The following TK1 variants were observed in gnomAD, a reference collection of about 807,000 sequenced individuals.
The protein encoded by TK1 is thymidine kinase 1.
TK1 carries 13 observed loss-of-function variants against 22.4 expected under a neutral mutation model. The ratio of observed to expected loss-of-function variants is 0.58; its 90% CI spans 0.38 to 0.92. The LOEUF (loss-of-function observed/expected upper bound fraction) is 0.92, where lower values mean the gene tolerates loss of function less well. Among genes scored for constraint, TK1 ranks in the 40% least tolerant of loss-of-function variants. The pLI is 0.00. For missense variants in TK1, 251 were observed against 315.7 expected (o/e 0.80, Z 1.55); for synonymous variants, 134 against 125.4 (o/e 1.07, Z -0.46).
At chr17:78,182,745 C>T in intron 3 of TK1, 63 bp from the exon 4 acceptor site, 1 of 1,301,478 alleles carries the variant, frequency 7.7e-7, no homozygotes, top group Non-Finnish European at 1.0e-6. Context: ...ATGCAGGGGC[C>T]AGGGAATGGC....
chr17:78,185,027 G>T, intron 3 of TK1, 28 bp downstream of exon 3: 1 of 1,575,360 alleles, frequency 6.3e-7, no homozygotes, highest in Non-Finnish European at 8.7e-7. Flanking sequence ...TTTTCCACTG[G>T]ACAGGACTGC....
intron 4 of TK1, among the ~76,000 whole-genome samples, chr17:78,181,801 C>T (rs1046107363): frequency 2.0e-5 from 3 of 152,014 alleles, no homozygotes; most frequent in African/African-American, 2.4e-5. Context: ...CCTTGTCGCC[C>T]GGGCTGGAGT....
In TK1 at chr17:78,174,499, C is replaced by A; in HGVS notation, c.*260G>T. Reference sequence around the variant, plus strand: ...CCCAAGGAGAGGGAGTGTGCCAGATCCCAGGCCACCAAGCGGGGCCAGCTC... The same window carrying A: ...CCCAAGGAGAGGGAGTGTGCCAGATACCAGGCCACCAAGCGGGGCCAGCTC... On this transcript the variant is annotated 3_prime_UTR_variant, in exon 7 of 7. Coordinates refer to ENST00000301634, the MANE Select transcript of TK1 (RefSeq NM_003258.5). 3.9e-6 allele frequency: 2 copies of A among 516,890 alleles called. No homozygotes were observed. Among genetic ancestry groups the A allele is most frequent in the Admixed American group, 7.2e-5 (2 of 27,760 alleles). The allele number at this position is 516,890 out of a possible 1,614,324, so 32.0% of individuals were successfully genotyped here. A position where few individuals can be genotyped will look rare whatever the true frequency, so the allele number is the denominator to read the frequency against.
intron 4 of TK1, among the ~76,000 whole-genome samples, chr17:78,181,466 TGGC>T (rs2075736933): frequency 6.9e-6 from 1 of 144,100 alleles, no homozygotes; most frequent in South Asian, 2.2e-4. Context: ...TGAATCCGGG[TGGC>T]AGAGGTTGCA....
chr17:78,183,330 G>A (rs2075751846), intron 3 of TK1, among the ~76,000 whole-genome samples: 1 of 152,172 alleles, frequency 6.6e-6, no homozygotes, highest in South Asian at 2.1e-4. Flanking sequence ...AAATTCAGAA[G>A]AATGAATAAC....
intron 4 of TK1, among the ~76,000 whole-genome samples, chr17:78,178,835 G>A (rs2075719324): frequency 6.6e-6 from 1 of 152,174 alleles, no homozygotes; most frequent in Non-Finnish European, 1.5e-5. Context: ...AGTAGAGACG[G>A]AGTTTCTCCA....
rs528150626 is a variant in TK1, at chr17:78,174,719, G to A, written c.*40C>T. ...GCATGCAGGGCAGCGTCCAGTAGGCGGCAGTGGCAGGAAGGGAGCGGGCGG... is the reference window on the plus strand; with the variant it reads ...GCATGCAGGGCAGCGTCCAGTAGGCAGCAGTGGCAGGAAGGGAGCGGGCGG... On this transcript the variant is annotated 3_prime_UTR_variant, in exon 7 of 7. Transcript: ENST00000301634. 110 of 1,534,732 alleles carry A rather than the reference G, an allele frequency of 7.2e-5. No individual in the cohort carries two copies. The highest frequency in any genetic ancestry group is 1.4e-4 in the East Asian group (6 of 41,504).
Position 78,186,787 on chromosome 17 carries a change from CT to C in TK1, c.97del (p.Ser33AlafsTer4). 3 of 1,586,286 alleles carry C rather than the reference CT, an allele frequency of 1.9e-6. No homozygotes were observed. Among genetic ancestry groups the C allele is most frequent in the Non-Finnish European group, 1.7e-6 (2 of 1,166,766 alleles). ...VILGPMFSGK[S>X]TELMRRVRRF... ...CACCCCAGCCCCGCGAAGCCATTAC[CT>C]TTTTCCTGAGAACATCGGCCCGAGA... On this transcript the variant is annotated frameshift_variant and splice_region_variant, in exon 2 of 7. Coordinates refer to ENST00000301634, the MANE Select transcript of TK1 (RefSeq NM_003258.5). LOFTEE classifies it high-confidence loss of function.
At chr17:78,181,056 T>C (rs1350184037) in intron 4 of TK1, among the ~76,000 whole-genome samples, 1 of 151,524 alleles carries the variant, frequency 6.6e-6, no homozygotes, top group African/African-American at 2.4e-5. Context: ...CCAGACCAGC[T>C]GGCCAACATG....
chr17:78,187,002 C>T lies in TK1; in HGVS notation c.-8G>A. The T allele has an allele frequency of 6.3e-7, 1 of 1,586,450 alleles. No homozygotes were observed. The highest frequency in any genetic ancestry group is 1.1e-5 in the South Asian group (1 of 87,106). On this transcript the variant is annotated 5_prime_UTR_variant, in exon 1 of 7. Transcript: ENST00000301634. ...CAGGTTAATGCAGCTCATTGCGCCT[C>T]CGGGAAGTTCACGAACCCGAGTACT...
chr17:78,177,958 C>A (rs946971355), intron 4 of TK1, among the ~76,000 whole-genome samples: 2 of 152,028 alleles, frequency 1.3e-5, no homozygotes, highest in Non-Finnish European at 1.5e-5. Flanking sequence ...GCAACCTCTG[C>A]CTCCCAGGTT....
intron 4 of TK1, among the ~76,000 whole-genome samples, chr17:78,177,105 TTCCCCACCCGTCCAG>T (rs1172860601): frequency 3.9e-5 from 6 of 152,158 alleles, no homozygotes; most frequent in African/African-American, 1.4e-4. Flanking sequence ...CACCCGGCAC[TTCCCCACCCGTCCAG>T]CACTTCCAGT....
At chr17:78,180,969 A>C (rs1461979664) in intron 4 of TK1, among the ~76,000 whole-genome samples, 7 of 152,122 alleles carry the variant, frequency 4.6e-5, no homozygotes, top group Non-Finnish European at 7.4e-5. Context: ...CAAGATCAAG[A>C]CCAGGCGTGG....
At chr17:78,175,685 G>C in intron 4 of TK1, 67 bp from the exon 5 acceptor site, 2 of 1,423,696 alleles carry the variant, frequency 1.4e-6, no homozygotes, top group Non-Finnish European at 1.9e-6. Flanking sequence ...TGGAGCCCCA[G>C]CGAAGACGCT....
intron 4 of TK1, among the ~76,000 whole-genome samples, chr17:78,176,069 TTA>T (rs1420561516): frequency 6.6e-6 from 1 of 152,186 alleles, no homozygotes; most frequent in East Asian, 1.9e-4. Flanking sequence ...AGGCCCTAAG[TTA>T]TATACATGCT....
intron 4 of TK1, among the ~76,000 whole-genome samples, chr17:78,178,024 C>T (rs955069312): frequency 1.3e-5 from 2 of 152,110 alleles, no homozygotes; most frequent in South Asian, 4.1e-4. Flanking sequence ...GTGTGTGCCA[C>T]CACGCTTGGC....
In TK1 at chr17:78,179,880, G is replaced by A. The variant is rs551079790; in HGVS notation, c.303+2709C>T. 1.7e-3 allele frequency: 610 copies of A among 352,650 alleles called. 1 individual carries two copies. Among genetic ancestry groups the A allele is most frequent in the Non-Finnish European group, 2.2e-3 (559 of 252,400 alleles). 21.8% of individuals were successfully genotyped at this position (352,650 alleles called of 1,614,324 possible). A position where few individuals can be genotyped will look rare whatever the true frequency, so the allele number is the denominator to read the frequency against. On this transcript the variant is annotated intron_variant, in intron 4 of 6. Coordinates refer to ENST00000301634, the MANE Select transcript of TK1 (RefSeq NM_003258.5). ...AGGTTAGGAGTTCCAGACCAGCCCG[G>A]TCAACATGATGAAACCCCGTCTCTA...
At chr17:78,186,701 AGGG>A in intron 2 of TK1, 83 bp downstream of exon 2, 2 of 770,876 alleles carry the variant, frequency 2.6e-6, no homozygotes, top group Non-Finnish European at 3.5e-6. Context: ...AGGGGAGGGG[AGGG>A]GAGGGAAGGG....
chr17:78,174,659 CA>C lies in TK1; in HGVS notation c.*99del. The C allele has an allele frequency of 1.4e-6, 2 of 1,380,746 alleles. No individual in the cohort carries two copies. The highest frequency in any genetic ancestry group is 1.9e-6 in the Non-Finnish European group (2 of 1,036,672). The allele number at this position is 1,380,746 out of a possible 1,614,324, so 85.5% of individuals were successfully genotyped here. A position where few individuals can be genotyped will look rare whatever the true frequency, so the allele number is the denominator to read the frequency against. On this transcript the variant is annotated 3_prime_UTR_variant, in exon 7 of 7. Coordinates refer to ENST00000301634, the MANE Select transcript of TK1 (RefSeq NM_003258.5). ...AGAAGGCCAAGGTGTGGTCACCCTC[CA>C]CGCCTCCCGACTTCCTCCTGGAGTG...
Sources: allele counts gnomAD v4.1 joint callset (sites outside exome capture counted in the v4.1 genomes callset), GRCh38; gene constraint gnomAD v4.1.1; transcripts MANE v1.5; gene names NCBI Gene and HGNC (gene_info 2026-07-23, HGNC 2026-07-21).